Variants in FMNL2 observed in about 807,000 individuals in gnomAD.
FMNL2 encodes the protein formin like 2.
FMNL2 carries 51 observed loss-of-function variants against 130.2 expected under a neutral mutation model. The observed-to-expected ratio is 0.39, with a 90% confidence interval of 0.31 to 0.49. FMNL2 has a LOEUF of 0.49. FMNL2 is among the 20% of genes least tolerant of loss of function. The probability of loss-of-function intolerance (pLI) is 0.85; values close to 1 mark genes in which losing one functional copy is unlikely to be tolerated. For missense variants in FMNL2, 977 were observed against 1,316.2 expected (o/e 0.74, Z 3.99); for synonymous variants, 465 against 467.1 (o/e 1.00, Z 0.06).
At chr2:152,513,866 A>T (rs950175531) in intron 1 of FMNL2, among the ~76,000 whole-genome samples, 1 of 152,292 alleles carries the variant, frequency 6.6e-6, no homozygotes, top group African/African-American at 2.4e-5. Context: ...ATGAAAAATG[A>T]CTGACTGGTG....
intron 1 of FMNL2, among the ~76,000 whole-genome samples, chr2:152,478,250 AT>A (rs869219736): frequency 0.016 from 1,467 of 92,048 alleles, 5 homozygotes; most frequent in African/African-American, 0.019. Flanking sequence ...ATATATATAT[AT>A]TTTTTTTTTT....
At chr2:152,465,006 T>G (rs1689447554) in intron 1 of FMNL2, among the ~76,000 whole-genome samples, 2 of 152,222 alleles carry the variant, frequency 1.3e-5, no homozygotes, top group African/African-American at 4.8e-5. Context: ...GAATGCTAAC[T>G]TCTTGGCTTA....
rs550742945 is a variant in FMNL2, at chr2:152,545,212, A to C, written c.282+2393A>C. Among the ~76,000 whole-genome samples, 3 of 152,342 alleles carry C rather than the reference A, an allele frequency of 2.0e-5. No individual in the cohort carries two copies. In the South Asian group the frequency reaches 6.2e-4, roughly 32 times the overall value. ...GCCTGGAAAAAAAGGAGATTTGTTGAAATAAGACATGGCTTGCAGTTAAAA... is the reference window on the plus strand; with the variant it reads ...GCCTGGAAAAAAAGGAGATTTGTTGCAATAAGACATGGCTTGCAGTTAAAA... On this transcript the variant is annotated intron_variant, in intron 3 of 25. Transcript: ENST00000288670.
chr2:152,399,243 AGGTAGGT>A (rs1017454201), intron 1 of FMNL2, among the ~76,000 whole-genome samples: 13 of 152,290 alleles, frequency 8.5e-5, no homozygotes, highest in Admixed American at 8.5e-4. Flanking sequence ...TGAAATCAGA[AGGTAGGT>A]GACTAATCCA....
At chr2:152,619,446 G>C (rs1010305072) in intron 14 of FMNL2, 63 bp from the exon 15 acceptor site, 5 of 1,546,132 alleles carry the variant, frequency 3.2e-6, no homozygotes, top group Non-Finnish European at 3.5e-6. Flanking sequence ...TATGCACATG[G>C]CTTATTGCAG....
chr2:152,504,046 C>T (rs573898998), intron 1 of FMNL2, among the ~76,000 whole-genome samples: 15 of 152,272 alleles, frequency 9.9e-5, no homozygotes, highest in Admixed American at 6.5e-5. Flanking sequence ...CAAAAATTAG[C>T]CGGGCGTGGT....
intron 9 of FMNL2, among the ~76,000 whole-genome samples, chr2:152,606,750 T>C (rs1698381108): frequency 6.6e-6 from 1 of 151,720 alleles, no homozygotes; most frequent in Non-Finnish European, 1.5e-5. Flanking sequence ...AAAACATTAA[T>C]TAGCTGAATG....
At position 152,335,613 on chromosome 2, in the gene FMNL2, G is replaced by A. The variant is rs1560274409; in HGVS notation, c.10G>A (p.Ala4Thr). The stretch of plus-strand genomic sequence containing the variant: ...CCGGCGCGCCGCCGACATGGGCAAC[G>A]CAGGGAGCATGGATTCGCAGCAGAC... Reference protein sequence around the residue: MGNAGSMDSQQTDF... With the variant: MGNTGSMDSQQTDF... The change falls in exon 1 of 26, where the codon GCA (alanine) becomes ACA (threonine). Residue 4 changes from alanine (A) to threonine (T), a missense_variant. By Grantham distance (58) the Ala-to-Thr change is moderately conservative. This residue lies in a region of FMNL2 where 117 missense variants were observed against 134.9 expected (regional missense o/e 0.87). Coordinates refer to ENST00000288670, the MANE Select transcript of FMNL2 (RefSeq NM_052905.4). 1.3e-6 allele frequency: 2 copies of A among 1,588,206 alleles called. No homozygotes were observed. The highest frequency in any genetic ancestry group is 1.4e-5 in the African/African-American group (1 of 71,584).
At chr2:152,387,824 T>TC (rs956039068) in intron 1 of FMNL2, among the ~76,000 whole-genome samples, 9 of 148,120 alleles carry the variant, frequency 6.1e-5, no homozygotes, top group Admixed American at 1.3e-4. Context: ...AAAAAAATTT[T>TC]TTTTTTTTTT....
chr2:152,401,898 CTT>C (rs70974858), intron 1 of FMNL2, among the ~76,000 whole-genome samples: 319 of 78,552 alleles, frequency 4.1e-3, no homozygotes, highest in African/African-American at 0.016. Flanking sequence ...TGTGTTTAAT[CTT>C]TTTTTTTTTT....
intron 1 of FMNL2, among the ~76,000 whole-genome samples, chr2:152,461,917 G>C (rs988108252): frequency 6.6e-6 from 1 of 151,348 alleles, no homozygotes; most frequent in Non-Finnish European, 1.5e-5. Flanking sequence ...ATTTTTTTGA[G>C]ACAAGATCTC....
chr2:152,341,116 G>A (rs1681777961), intron 1 of FMNL2, among the ~76,000 whole-genome samples: 1 of 152,202 alleles, frequency 6.6e-6, no homozygotes, highest in South Asian at 2.1e-4. Flanking sequence ...GTGTAGTGAG[G>A]CCATCAGATG....
At chr2:152,506,658 AGAC>A (rs1692188034) in intron 1 of FMNL2, among the ~76,000 whole-genome samples, 1 of 152,168 alleles carries the variant, frequency 6.6e-6, no homozygotes, top group Non-Finnish European at 1.5e-5. Context: ...GATAGTATCT[AGAC>A]TAGAGGTTTC....
intron 1 of FMNL2, among the ~76,000 whole-genome samples, chr2:152,409,169 C>T (rs1419561725): frequency 6.6e-6 from 1 of 152,068 alleles, no homozygotes; most frequent in East Asian, 1.9e-4. Flanking sequence ...TTCAAAGATG[C>T]TCCAAAGAAA....
At chr2:152,597,128 A>C (rs1308852334) in intron 9 of FMNL2, among the ~76,000 whole-genome samples, 1 of 152,236 alleles carries the variant, frequency 6.6e-6, no homozygotes, top group East Asian at 1.9e-4. Context: ...TCATTAGAAA[A>C]TTCTTTAAAT....
intron 1 of FMNL2, among the ~76,000 whole-genome samples, chr2:152,387,099 T>C (rs1684829310): frequency 6.6e-6 from 1 of 152,154 alleles, no homozygotes; most frequent in African/African-American, 2.4e-5. Flanking sequence ...TCCTGGGAAG[T>C]AGAAATGAGC....
Position 152,335,293 on chromosome 2 carries a change from A to C in FMNL2, c.-311A>C, listed in dbSNP as rs1350564931. 5.8e-6 allele frequency: 1 copy of C among 172,022 alleles called. No individual in the cohort carries two copies. Among genetic ancestry groups the C allele is most frequent in the African/African-American group, 2.4e-5 (1 of 42,060 alleles). 10.7% of individuals were successfully genotyped at this position (172,022 alleles called of 1,614,324 possible). A position where few individuals can be genotyped will look rare whatever the true frequency, so the allele number is the denominator to read the frequency against. On this transcript the variant is annotated 5_prime_UTR_variant, in exon 1 of 26. Transcript: ENST00000288670. Reference sequence around the variant, plus strand: ...GAGGGACCACGCGCCGGGGGCCGCGATCTCTGGCAGGGGGCGGTGTGCCAG... The same window carrying C: ...GAGGGACCACGCGCCGGGGGCCGCGCTCTCTGGCAGGGGGCGGTGTGCCAG...
rs188311898 is a variant in FMNL2 at position 152,648,730 on chromosome 2, C to G, written c.*825C>G. 6.6e-6 allele frequency: 1 copy of G among 152,600 alleles called. No individual in the cohort carries two copies. Among genetic ancestry groups the G allele is most frequent in the Non-Finnish European group, 1.5e-5 (1 of 68,028 alleles). The allele number at this position is 152,600 out of a possible 1,614,324, so 9.5% of individuals were successfully genotyped here. ...GAAGTTTACTAGCTCTATCAACAAG[C>G]ATTCAAGGTTACATCTGCTAGCAGA... On this transcript the variant is annotated 3_prime_UTR_variant, in exon 26 of 26. Coordinates refer to ENST00000288670, the MANE Select transcript of FMNL2 (RefSeq NM_052905.4).
At chr2:152,417,164 G>A (rs1005580733) in intron 1 of FMNL2, among the ~76,000 whole-genome samples, 2 of 152,160 alleles carry the variant, frequency 1.3e-5, no homozygotes, top group African/African-American at 2.4e-5. Flanking sequence ...TAGCATAGAC[G>A]TTCAAATCTG....
Sources: allele counts gnomAD v4.1 joint callset (sites outside exome capture counted in the v4.1 genomes callset), GRCh38; gene constraint gnomAD v4.1.1; regional missense constraint gnomAD v4.1.1; transcripts MANE v1.5; gene names NCBI Gene and HGNC (gene_info 2026-07-23, HGNC 2026-07-21).